The following MGLL variants were observed in gnomAD, a reference collection of about 807,000 sequenced individuals.
The protein encoded by MGLL is lysophospholipase homolog.
In MGLL, 7 loss-of-function variants were observed where a neutral mutation model predicts 29.1. The ratio of observed to expected loss-of-function variants is 0.24; its 90% CI spans 0.14 to 0.45. The LOEUF is 0.45. MGLL is among the 20% of genes least tolerant of loss of function. The probability of loss-of-function intolerance (pLI) is 0.99; values close to 1 mark genes in which losing one functional copy is unlikely to be tolerated. For synonymous variants in MGLL, 148 were observed against 168.3 expected (o/e 0.88, Z 0.93); for missense variants, 356 against 413.6 (o/e 0.86, Z 1.21).
At chr3:127,727,514 C>T (rs2076067565) in intron 3 of MGLL, among the ~76,000 whole-genome samples, 1 of 151,968 alleles carries the variant, frequency 6.6e-6, no homozygotes, top group African/African-American at 2.4e-5. Flanking sequence ...GAGTTTGAGA[C>T]CAGCCTGGGC....
chr3:127,780,233 G>A (rs1001126670), intron 3 of MGLL, among the ~76,000 whole-genome samples: 1 of 152,174 alleles, frequency 6.6e-6, no homozygotes, highest in Non-Finnish European at 1.5e-5. Context: ...CCACAGATTT[G>A]GCCAAGTTTT....
chr3:127,700,480 G>A (rs1462884322), intron 6 of MGLL, among the ~76,000 whole-genome samples: 1 of 152,140 alleles, frequency 6.6e-6, no homozygotes. Flanking sequence ...TGCCTCACTT[G>A]GCCTGGTCTG....
chr3:127,754,733 G>T (rs1310509558), intron 3 of MGLL, among the ~76,000 whole-genome samples: 1 of 152,164 alleles, frequency 6.6e-6, no homozygotes, highest in African/African-American at 2.4e-5. Flanking sequence ...TAGGCTTCAC[G>T]CTGGATCTCC....
intron 5 of MGLL, chr3:127,713,394 G>A (rs1028304618): frequency 6.9e-5 from 8 of 116,012 alleles, no homozygotes; most frequent in Admixed American, 5.8e-4. Context: ...TCTGTGTAAC[G>A]GGATGGTGTG....
At chr3:127,711,000 G>A in intron 5 of MGLL, 2 of 388,216 alleles carry the variant, frequency 5.2e-6, no homozygotes, top group East Asian at 6.1e-5. Context: ...AGTTGCCTGG[G>A]ATGAGCTCTG....
chr3:127,816,466 T>G (rs1051253070), intron 2 of MGLL, among the ~76,000 whole-genome samples: 1 of 152,078 alleles, frequency 6.6e-6, no homozygotes, highest in Non-Finnish European at 1.5e-5. Context: ...ATGGTGAAAA[T>G]TGTTCACCTC....
rs114643254 is a variant in MGLL at position 127,767,704 on chromosome 3, T to G, written c.262+14085A>C. 6.3e-3 allele frequency among the ~76,000 whole-genome samples: 959 copies of G among 152,368 alleles called. 6 individuals are homozygous for G. Among genetic ancestry groups the G allele is most frequent in the Middle Eastern group, 0.02 (6 of 294 alleles). On this transcript the variant is annotated intron_variant, in intron 3 of 7. Coordinates refer to ENST00000265052, the MANE Select transcript of MGLL (RefSeq NM_007283.7). ...TAACTCTAGAAACGGAACAGCAATT[T>G]GTAAACTTATAGTCTCAGAATGATG...
Position 127,692,191 on chromosome 3 carries a change from A to G in MGLL, c.*7T>C. ...CCAGACCATGAGCCGGGCACCGGCC[A>G]ATGCATTCAGGGTGGGGACGCAGTT... On this transcript the variant is annotated 3_prime_UTR_variant, in exon 8 of 8. Transcript: ENST00000265052. 6.3e-7 allele frequency: 1 copy of G among 1,579,862 alleles called. No individual in the cohort carries two copies. Among genetic ancestry groups the G allele is most frequent in the South Asian group, 1.1e-5 (1 of 90,366 alleles).
At chr3:127,809,926 G>A (rs9289321) in intron 2 of MGLL, among the ~76,000 whole-genome samples, 33,423 of 152,116 alleles carry the variant, frequency 0.22, 4,381 homozygotes, top group African/African-American at 0.36. Context: ...GGATGTGAAA[G>A]GGTGAGATCC....
chr3:127,782,599 G>A (rs898527815), intron 2 of MGLL, among the ~76,000 whole-genome samples: 2 of 152,212 alleles, frequency 1.3e-5, no homozygotes, highest in African/African-American at 4.8e-5. Flanking sequence ...CCTCGGGGGC[G>A]AATGTGGCAG....
At chr3:127,736,084 G>T in intron 3 of MGLL, 1 of 1,262,950 alleles carries the variant, frequency 7.9e-7, no homozygotes, top group Non-Finnish European at 1.0e-6. Context: ...GATTACAGAA[G>T]TTCCCAAACA....
chr3:127,707,778 T>G (rs1185716404), intron 6 of MGLL, among the ~76,000 whole-genome samples: 2 of 152,232 alleles, frequency 1.3e-5, no homozygotes, highest in East Asian at 3.8e-4. Context: ...ATGCCTTTTT[T>G]CCTGAAGGCT....
intron 3 of MGLL, among the ~76,000 whole-genome samples, chr3:127,731,333 TTTA>T (rs140919604): frequency 0.27 from 39,173 of 145,006 alleles, 5,998 homozygotes; most frequent in Non-Finnish European, 0.36. Flanking sequence ...CTTGGTGGCT[TTTA>T]TTATTATTAT....
intron 3 of MGLL, among the ~76,000 whole-genome samples, chr3:127,750,883 C>T (rs564850783): frequency 6.6e-6 from 1 of 152,340 alleles, no homozygotes; most frequent in South Asian, 2.1e-4. Flanking sequence ...CATATCTGCT[C>T]TTGAGAAACC....
rs1370740978 is a variant in MGLL, at chr3:127,690,302, C to T, written c.*1896G>A. 2.6e-5 allele frequency: 4 copies of T among 152,204 alleles called. No individual in the cohort carries two copies. The highest frequency in any genetic ancestry group is 5.9e-5 in the Non-Finnish European group (4 of 68,050). The allele number at this position is 152,204 out of a possible 1,614,324, so 9.4% of individuals were successfully genotyped here. A position where few individuals can be genotyped will look rare whatever the true frequency, so the allele number is the denominator to read the frequency against. ...CTCCTTCAAAGAGAAGCCAGGGAGA[C>T]AAGCTGGAGCTACAGAAGGTGCTCT... On this transcript the variant is annotated 3_prime_UTR_variant, in exon 8 of 8. Coordinates refer to ENST00000265052, the MANE Select transcript of MGLL (RefSeq NM_007283.7).
intron 2 of MGLL, among the ~76,000 whole-genome samples, chr3:127,801,394 A>G (rs1705205110): frequency 1.3e-5 from 2 of 151,732 alleles, no homozygotes; most frequent in South Asian, 4.2e-4. Context: ...AGGCTGGTGG[A>G]TCACCTGAGA....
intron 3 of MGLL, among the ~76,000 whole-genome samples, chr3:127,726,681 C>A (rs1324162179): frequency 6.6e-6 from 1 of 152,166 alleles, no homozygotes; most frequent in African/African-American, 2.4e-5. Context: ...CCACCCACCT[C>A]AGCCTCCCAA....
At chr3:127,746,389 C>G (rs1028135980) in intron 3 of MGLL, among the ~76,000 whole-genome samples, 1 of 152,152 alleles carries the variant, frequency 6.6e-6, no homozygotes, top group Non-Finnish European at 1.5e-5. Context: ...ACAGATCCAC[C>G]CTGCCTCAAC....
In MGLL at chr3:127,695,017, G is replaced by A; in HGVS notation, c.774C>T (p.Tyr258=). The change falls in exon 7 of 8, where the codon TAC becomes TAT. Residue 258 remains tyrosine (Y), a synonymous_variant. Transcript: ENST00000265052. ...GGCTCTTGGCTAACTCCATGAGCAGGTAGGCCCCTTTGCTGTCACATAGGC... is the reference window on the plus strand; with the variant it reads ...GGCTCTTGGCTAACTCCATGAGCAGATAGGCCCCTTTGCTGTCACATAGGC... ...ADRLCDSKGA[Y]LLMELAKSQD... 1 of 1,614,082 alleles carries A rather than the reference G, an allele frequency of 6.2e-7. No homozygotes were observed. Among genetic ancestry groups the A allele is most frequent in the Non-Finnish European group, 8.5e-7 (1 of 1,180,020 alleles).
Sources: allele counts gnomAD v4.1 joint callset (sites outside exome capture counted in the v4.1 genomes callset), GRCh38; gene constraint gnomAD v4.1.1; transcripts MANE v1.5; gene names NCBI Gene and HGNC (gene_info 2026-07-23, HGNC 2026-07-21).